The following C1QTNF3 variants were observed in gnomAD, a reference collection of about 807,000 sequenced individuals.
C1QTNF3 encodes the protein C1q and TNF related 3, also known as complement C1q tumor necrosis factor-related protein 3.
Under a neutral mutation model 32.6 loss-of-function variants are expected in C1QTNF3, and 26 were observed. That is an observed-to-expected ratio of 0.80 (90% CI 0.58 to 1.11). The LOEUF is 1.11. Among genes scored for constraint, C1QTNF3 ranks in the 50% least tolerant of loss-of-function variants. The pLI is 0.00. For synonymous variants in C1QTNF3, 155 were observed against 146.0 expected, an observed-to-expected ratio of 1.06 and a Z score of -0.44; for missense variants, 362 against 398.2, an observed-to-expected ratio of 0.91 and a Z score of 0.77.
At chr5:34,056,486 AG>A in the C1QTNF3 span, among the ~76,000 whole-genome samples, 1 of 34,776 alleles carries the variant, frequency 2.9e-5, no homozygotes, top group African/African-American at 8.4e-5. Context: ...ATATAGAGAG[AG>A]AGAGAGAGAG....
At chr5:34,059,878 C>T in the C1QTNF3 span, among the ~76,000 whole-genome samples, 1 of 152,152 alleles carries the variant, frequency 6.6e-6, no homozygotes, top group African/African-American at 2.4e-5. Context: ...GCCTTAGCAT[C>T]CCTGGCCCTA....
At chr5:34,116,340 T>C in the C1QTNF3 span, among the ~76,000 whole-genome samples, 58 of 152,314 alleles carry the variant, frequency 3.8e-4, no homozygotes, top group Admixed American at 1.6e-3. Context: ...TATAGATAGA[T>C]GTGTGTTACA....
At chr5:34,089,404 T>C in the C1QTNF3 span, among the ~76,000 whole-genome samples, 1 of 152,198 alleles carries the variant, frequency 6.6e-6, no homozygotes, top group Admixed American at 6.5e-5. Flanking sequence ...GAGAAGTGAT[T>C]AGGTCATGGG....
At chr5:34,051,878 T>A in the C1QTNF3 span, among the ~76,000 whole-genome samples, 45 of 152,376 alleles carry the variant, frequency 3.0e-4, no homozygotes, top group East Asian at 8.7e-3. Flanking sequence ...CCTCCTTCAC[T>A]TACTTTGGTG....
At chr5:34,216,355 TCAATCAGCAAATTG>T in the C1QTNF3 span, among the ~76,000 whole-genome samples, 1 of 152,246 alleles carries the variant, frequency 6.6e-6, no homozygotes, top group Non-Finnish European at 1.5e-5. Context: ...TGAATGCATT[TCAATCAGCAAATTG>T]CTGGTTGTGT....
the C1QTNF3 span, among the ~76,000 whole-genome samples, chr5:34,095,882 A>G: frequency 6.6e-6 from 1 of 150,492 alleles, no homozygotes; most frequent in Non-Finnish European, 1.5e-5. Context: ...AGAGAATACC[A>G]CAGAGAACAA....
chr5:34,043,341 A>G, upstream of C1QTNF3: 2 of 570,500 alleles, frequency 3.5e-6, no homozygotes, highest in Non-Finnish European at 6.2e-6. Flanking sequence ...CCACACCACA[A>G]GCAAGAACGA....
the C1QTNF3 span, among the ~76,000 whole-genome samples, chr5:34,056,477 T>G: frequency 3.9e-3 from 336 of 87,188 alleles, 2 homozygotes; most frequent in Admixed American, 0.018. Context: ...TATATATATA[T>G]ATAGAGAGAG....
At chr5:34,071,396 A>G in the C1QTNF3 span, among the ~76,000 whole-genome samples, 151 of 152,316 alleles carry the variant, frequency 9.9e-4, no homozygotes, top group African/African-American at 3.5e-3. Context: ...TATCAAACAA[A>G]TTAATAGATG....
chr5:34,070,385 CT>C, the C1QTNF3 span, among the ~76,000 whole-genome samples: 2 of 152,096 alleles, frequency 1.3e-5, no homozygotes, highest in Non-Finnish European at 2.9e-5. Flanking sequence ...CAAAAAATGG[CT>C]TTTTGGGGGC....
the C1QTNF3 span, among the ~76,000 whole-genome samples, chr5:34,222,603 G>A: frequency 6.6e-6 from 1 of 151,914 alleles, no homozygotes; most frequent in African/African-American, 2.4e-5. Context: ...AGTATTCATA[G>A]TGTACATAAA....
the C1QTNF3 span, among the ~76,000 whole-genome samples, chr5:34,176,890 A>AATGAATGAATGAATGAAG: frequency 1.1e-5 from 1 of 93,330 alleles, no homozygotes; most frequent in Non-Finnish European, 2.7e-5. Context: ...AATGAATGAA[A>AATGAATGAATGAATGAAG]AATGAAATTA....
At chr5:34,241,946 AG>A in the C1QTNF3 span, among the ~76,000 whole-genome samples, 1 of 100,024 alleles carries the variant, frequency 1.0e-5, no homozygotes, top group Admixed American at 9.9e-5. Context: ...GGAGGAAGGG[AG>A]GGAGGGAAGG....
chr5:34,212,252 T>C, the C1QTNF3 span, among the ~76,000 whole-genome samples: 1 of 151,886 alleles, frequency 6.6e-6, no homozygotes, highest in South Asian at 2.1e-4. Flanking sequence ...CAAAAATTAA[T>C]TCAAGATGGA....
chr5:34,169,875 C>T, the C1QTNF3 span, among the ~76,000 whole-genome samples: 3 of 152,014 alleles, frequency 2.0e-5, no homozygotes, highest in Non-Finnish European at 4.4e-5. Context: ...TATGGCGGTT[C>T]CTCCAAAAGC....
chr5:34,178,262 C>T, the C1QTNF3 span, among the ~76,000 whole-genome samples: 183 of 152,286 alleles, frequency 1.2e-3, 1 homozygote, highest in Non-Finnish European at 2.0e-3. Context: ...GCCTGGGTGA[C>T]AACTGAAACT....
the C1QTNF3 span, among the ~76,000 whole-genome samples, chr5:34,111,385 A>G: frequency 6.6e-6 from 1 of 152,064 alleles, no homozygotes; most frequent in Non-Finnish European, 1.5e-5. Flanking sequence ...TAAGCTAGCT[A>G]AATGCAGCAA....
chr5:34,031,467 G>T (rs1235791404), intron 3 of C1QTNF3, among the ~76,000 whole-genome samples: 2 of 152,124 alleles, frequency 1.3e-5, no homozygotes, highest in Non-Finnish European at 2.9e-5. Flanking sequence ...CCTTAACCTG[G>T]CTGAGTGGCA....
the C1QTNF3 span, among the ~76,000 whole-genome samples, chr5:34,133,823 T>G: frequency 6.6e-6 from 1 of 152,254 alleles, no homozygotes; most frequent in Non-Finnish European, 1.5e-5. Flanking sequence ...TACAATACCA[T>G]AGTGAATTGG....
Sources: gnomAD v4.1 joint callset for allele counts (sites outside exome capture counted in the v4.1 genomes callset) on GRCh38, gnomAD v4.1.1 for gene constraint, MANE v1.5 for transcripts, NCBI Gene and HGNC (gene_info 2026-07-23, HGNC 2026-07-21) for gene names.